Variants in GPR137C observed in about 807,000 individuals in gnomAD.
GPR137C encodes integral membrane protein GPR137C.
A neutral mutation model predicts 43.4 loss-of-function variants in GPR137C; 27 were observed. The ratio of observed to expected loss-of-function variants is 0.62; its 90% CI spans 0.46 to 0.86. The LOEUF (loss-of-function observed/expected upper bound fraction) is 0.86, where lower values mean the gene tolerates loss of function less well. Ranked by LOEUF, GPR137C falls within the 40% of genes least tolerant of loss-of-function variation. GPR137C has a pLI of 0.00. For synonymous variants in GPR137C, 285 were observed against 226.9 expected, an observed-to-expected ratio of 1.26 and a Z score of -2.30; for missense variants, 522 against 534.6, an observed-to-expected ratio of 0.98 and a Z score of 0.23.
chr14:52,568,350 C>G (rs1221015635), intron 1 of GPR137C, among the ~76,000 whole-genome samples: 1 of 152,154 alleles, frequency 6.6e-6, no homozygotes, highest in Non-Finnish European at 1.5e-5. Context: ...CACCAGGGCC[C>G]TGGGTTTCAA....
chr14:52,579,650 A>G (rs10136942), intron 1 of GPR137C, among the ~76,000 whole-genome samples: 75,378 of 151,952 alleles, frequency 0.5, 19,395 homozygotes, highest in East Asian at 0.7. Context: ...GAAAGGACGT[A>G]GAGTCAAATC....
At chr14:52,629,497 C>T (rs2039269573) in intron 3 of GPR137C, among the ~76,000 whole-genome samples, 1 of 152,138 alleles carries the variant, frequency 6.6e-6, no homozygotes, top group African/African-American at 2.4e-5. Context: ...TGTAATTATC[C>T]TCTCAGCAAT....
chr14:52,554,384 C>T (rs2038159125), intron 1 of GPR137C, among the ~76,000 whole-genome samples: 2 of 152,188 alleles, frequency 1.3e-5, no homozygotes, highest in African/African-American at 2.4e-5. Context: ...TATCTGGAAC[C>T]TAATCACACC....
intron 1 of GPR137C, among the ~76,000 whole-genome samples, chr14:52,560,822 C>CA (rs2038271521): frequency 6.6e-6 from 1 of 151,922 alleles, no homozygotes; most frequent in African/African-American, 2.4e-5. Flanking sequence ...TTGGAGGAGG[C>CA]AAAGGTTTTG....
At chr14:52,580,803 A>T (rs1594788641) in intron 1 of GPR137C, among the ~76,000 whole-genome samples, 1 of 143,646 alleles carries the variant, frequency 7.0e-6, no homozygotes, top group African/African-American at 2.5e-5. Flanking sequence ...ATTTATATTT[A>T]TATATTATTT....
intron 1 of GPR137C, among the ~76,000 whole-genome samples, chr14:52,582,282 C>G (rs2038657706): frequency 6.6e-6 from 1 of 152,094 alleles, no homozygotes; most frequent in African/African-American, 2.4e-5. Context: ...TAGCAGGTCC[C>G]AAAGGCCCCA....
intron 1 of GPR137C, among the ~76,000 whole-genome samples, chr14:52,579,029 A>C (rs1405428038): frequency 6.6e-6 from 1 of 152,018 alleles, no homozygotes; most frequent in East Asian, 1.9e-4. Flanking sequence ...ATCTGGCTGA[A>C]CTATTTGTTA....
At chr14:52,583,303 C>A (rs2038672828) in intron 1 of GPR137C, among the ~76,000 whole-genome samples, 1 of 152,032 alleles carries the variant, frequency 6.6e-6, no homozygotes, top group Admixed American at 6.6e-5. Flanking sequence ...ATGATCATGT[C>A]CTGTTAGCTA....
At position 52,552,841 on chromosome 14, in the gene GPR137C, G is replaced by A. The variant is rs977686227; in HGVS notation, c.-307G>A. Among the ~76,000 whole-genome samples, 12 of 152,214 alleles carry A rather than the reference G, an allele frequency of 7.9e-5. No individual in the cohort carries two copies. Among genetic ancestry groups the A allele is most frequent in the Admixed American group, 2.6e-4 (4 of 15,312 alleles). On this transcript the variant is annotated 5_prime_UTR_variant, in exon 1 of 7. Transcript: ENST00000321662. The stretch of plus-strand genomic sequence containing the variant: ...GCCAATCGGCGCGAGCCCACAGTGC[G>A]GAGCGAGCGCCTCAAATGCTCGGGT...
intron 1 of GPR137C, among the ~76,000 whole-genome samples, chr14:52,583,645 T>C (rs1040068167): frequency 5.9e-5 from 9 of 152,218 alleles, no homozygotes; most frequent in Non-Finnish European, 1.2e-4. Flanking sequence ...CAGCCTATTT[T>C]ATACTTCCCA....
At chr14:52,634,633 A>G (rs779364977) in intron 6 of GPR137C, among the ~76,000 whole-genome samples, 9 of 152,156 alleles carry the variant, frequency 5.9e-5, no homozygotes, top group Admixed American at 6.6e-5. Context: ...ACATACATAC[A>G]TAGATGTCTT....
chr14:52,633,506 T>C (rs765580406), intron 4 of GPR137C, 24 bp from the exon 5 acceptor site: 1 of 1,605,342 alleles, frequency 6.2e-7, no homozygotes, highest in East Asian at 2.2e-5. Context: ...GATGTAAAAA[T>C]TCTCTGCCAT....
chr14:52,577,284 A>G (rs541959979), intron 1 of GPR137C, among the ~76,000 whole-genome samples: 3 of 151,466 alleles, frequency 2.0e-5, no homozygotes, highest in East Asian at 3.9e-4. Flanking sequence ...CAGAATCAAA[A>G]TATTTGTTGA....
At chr14:52,585,242 G>A (rs1184731133) in intron 1 of GPR137C, among the ~76,000 whole-genome samples, 1 of 152,080 alleles carries the variant, frequency 6.6e-6, no homozygotes, top group African/African-American at 2.4e-5. Context: ...TTTCTGTGCA[G>A]ACCTCCAAGT....
rs2039280949 is a variant in GPR137C at position 52,630,407 on chromosome 14, C to T, written c.718-1753C>T. Among the ~76,000 whole-genome samples the T allele has an allele frequency of 2.6e-5, 4 of 152,032 alleles. No individual in the cohort carries two copies. In the South Asian group the frequency reaches 6.2e-4, roughly 24 times the overall value. The stretch of plus-strand genomic sequence containing the variant: ...GTTTCCTTACTTTTCTTTAATAATA[C>T]ATTACTTCTAAAATTGGATCTGGAT... On this transcript the variant is annotated intron_variant, in intron 3 of 6. Coordinates refer to ENST00000321662, the MANE Select transcript of GPR137C (RefSeq NM_001099652.2).
chr14:52,568,941 CTG>C (rs1156383406), intron 1 of GPR137C, among the ~76,000 whole-genome samples: 3 of 152,236 alleles, frequency 2.0e-5, no homozygotes, highest in Non-Finnish European at 2.9e-5. Flanking sequence ...CGCTTGAGCT[CTG>C]CTAAGGGACA....
chr14:52,560,443 T>G (rs1313343454), intron 1 of GPR137C, among the ~76,000 whole-genome samples: 1 of 152,192 alleles, frequency 6.6e-6, no homozygotes, highest in African/African-American at 2.4e-5. Flanking sequence ...TACGAGGGAC[T>G]TAGTGTAGCT....
chr14:52,598,046 AAGAT>A (rs1177499012), intron 1 of GPR137C, among the ~76,000 whole-genome samples: 1 of 152,218 alleles, frequency 6.6e-6, no homozygotes, highest in Non-Finnish European at 1.5e-5. Context: ...TAAATCTTTA[AAGAT>A]AGAAATGTAG....
At chr14:52,589,878 G>T (rs2038759473) in intron 1 of GPR137C, among the ~76,000 whole-genome samples, 1 of 152,096 alleles carries the variant, frequency 6.6e-6, no homozygotes, top group African/African-American at 2.4e-5. Flanking sequence ...GCTGCCAGGG[G>T]TATAAAAGTG....
Sources: allele counts gnomAD v4.1 joint callset (sites outside exome capture counted in the v4.1 genomes callset), GRCh38; gene constraint gnomAD v4.1.1; transcripts MANE v1.5; gene names NCBI Gene and HGNC (gene_info 2026-07-23, HGNC 2026-07-21).